Variants in NLGN1 observed in about 807,000 individuals in gnomAD.
NLGN1 encodes the protein neuroligin-1.
In NLGN1, 12 loss-of-function variants were observed where a neutral mutation model predicts 65.5. The observed-to-expected ratio is 0.18, with a 90% CI of 0.12 to 0.30. The LOEUF (loss-of-function observed/expected upper bound fraction) is 0.30, where lower values mean the gene tolerates loss of function less well. NLGN1 is among the 10% of genes least tolerant of loss of function. The pLI is 1.00. For missense variants in NLGN1, 750 were observed against 1,007.1 expected, an observed-to-expected ratio of 0.74 and a Z score of 3.46; for synonymous variants, 350 against 359.5, an observed-to-expected ratio of 0.97 and a Z score of 0.30.
At chr3:174,173,708 GTT>G (rs1176553240) in intron 4 of NLGN1, among the ~76,000 whole-genome samples, 1 of 150,146 alleles carries the variant, frequency 6.7e-6, no homozygotes, top group East Asian at 1.9e-4. Flanking sequence ...GTGTGTGTAT[GTT>G]TGTGTGTGTG....
At chr3:174,012,701 G>A (rs1473577032) in intron 4 of NLGN1, among the ~76,000 whole-genome samples, 2 of 152,054 alleles carry the variant, frequency 1.3e-5, no homozygotes, top group Non-Finnish European at 2.9e-5. Context: ...GTCAAATATT[G>A]GTCATAGCTG....
intron 4 of NLGN1, among the ~76,000 whole-genome samples, chr3:174,087,350 G>C (rs1743617629): frequency 6.6e-6 from 1 of 152,142 alleles, no homozygotes; most frequent in Non-Finnish European, 1.5e-5. Context: ...TTTATATCTA[G>C]CGTGGTAATA....
At chr3:173,683,301 C>G (rs576775405) in intron 3 of NLGN1, among the ~76,000 whole-genome samples, 5 of 152,214 alleles carry the variant, frequency 3.3e-5, no homozygotes, top group South Asian at 2.1e-4. Flanking sequence ...TCCTCTTCCC[C>G]CCATGGCATA....
chr3:173,888,309 G>T (rs1457002781), intron 4 of NLGN1, among the ~76,000 whole-genome samples: 2 of 151,942 alleles, frequency 1.3e-5, no homozygotes, highest in East Asian at 3.9e-4. Flanking sequence ...AAATGGTATA[G>T]TATTTGCATA....
chr3:173,420,347 G>A (rs1039468926), intron 1 of NLGN1, among the ~76,000 whole-genome samples: 13 of 151,852 alleles, frequency 8.6e-5, no homozygotes, highest in African/African-American at 2.4e-4. Flanking sequence ...TTGTCCTTGC[G>A]ATAGTTTGCT....
intron 3 of NLGN1, among the ~76,000 whole-genome samples, chr3:173,796,671 C>A (rs1459618568): frequency 1.3e-5 from 2 of 152,086 alleles, no homozygotes. Flanking sequence ...TTAATCACTT[C>A]TACACACTGG....
intron 2 of NLGN1, among the ~76,000 whole-genome samples, chr3:173,477,651 A>T (rs1726471885): frequency 6.6e-6 from 1 of 152,218 alleles, no homozygotes; most frequent in South Asian, 2.1e-4. Flanking sequence ...CTGAATAATG[A>T]GAGAAACCCA....
intron 4 of NLGN1, among the ~76,000 whole-genome samples, chr3:174,263,425 T>C (rs62291791): frequency 0.16 from 23,881 of 149,788 alleles, 2,200 homozygotes; most frequent in East Asian, 0.48. Context: ...TTGATCCCTT[T>C]ACCATTATGT....
At chr3:173,907,505 G>A (rs188403270) in intron 4 of NLGN1, among the ~76,000 whole-genome samples, 3 of 151,244 alleles carry the variant, frequency 2.0e-5, no homozygotes, top group Non-Finnish European at 4.4e-5. Context: ...CTTATCACAT[G>A]TAGAGAGTTG....
chr3:173,691,696 C>T (rs1423910734), intron 3 of NLGN1, among the ~76,000 whole-genome samples: 2 of 152,074 alleles, frequency 1.3e-5, no homozygotes, highest in Middle Eastern at 3.4e-3. Flanking sequence ...GCTTGCATCA[C>T]GTTTTTTTCT....
chr3:173,581,427 T>C (rs962952490), intron 2 of NLGN1, among the ~76,000 whole-genome samples: 15 of 152,062 alleles, frequency 9.9e-5, no homozygotes, highest in Non-Finnish European at 1.6e-4. Context: ...TTGGTAGTTT[T>C]TAGTTAACTG....
At chr3:173,952,432 A>G (rs948763068) in intron 4 of NLGN1, among the ~76,000 whole-genome samples, 1 of 152,140 alleles carries the variant, frequency 6.6e-6, no homozygotes, top group Non-Finnish European at 1.5e-5. Flanking sequence ...ATCTTGTCAG[A>G]TTTTACTCTA....
intron 4 of NLGN1, among the ~76,000 whole-genome samples, chr3:174,043,383 C>T (rs867794834): frequency 6.6e-6 from 1 of 152,126 alleles, no homozygotes; most frequent in Non-Finnish European, 1.5e-5. Context: ...TCATCTGAGA[C>T]AAGGCAAGTC....
intron 3 of NLGN1, among the ~76,000 whole-genome samples, chr3:173,665,548 C>T (rs570400805): frequency 9.9e-5 from 15 of 152,226 alleles, no homozygotes; most frequent in African/African-American, 3.4e-4. Flanking sequence ...CATTATATTT[C>T]TGCGGAAATG....
chr3:173,983,792 A>G (rs546111519), intron 4 of NLGN1, among the ~76,000 whole-genome samples: 67 of 152,100 alleles, frequency 4.4e-4, no homozygotes, highest in South Asian at 2.5e-3. Flanking sequence ...AGCAACCCCC[A>G]TCCTCACCAT....
intron 4 of NLGN1, among the ~76,000 whole-genome samples, chr3:174,190,070 G>C (rs766472636): frequency 4.6e-5 from 7 of 152,036 alleles, no homozygotes; most frequent in African/African-American, 1.7e-4. Context: ...GAGTGGAAAA[G>C]GTACAACACT....
chr3:173,473,961 A>G (rs1725753129), intron 2 of NLGN1, among the ~76,000 whole-genome samples: 1 of 152,158 alleles, frequency 6.6e-6, no homozygotes. Context: ...TTACTTTATT[A>G]AATTTCTTCT....
chr3:173,522,378 A>G (rs930742040), intron 2 of NLGN1, among the ~76,000 whole-genome samples: 1 of 152,180 alleles, frequency 6.6e-6, no homozygotes, highest in Admixed American at 6.5e-5. Context: ...AGATACTTAG[A>G]TTGGATCACT....
intron 2 of NLGN1, among the ~76,000 whole-genome samples, chr3:173,480,532 G>A (rs1727100077): frequency 6.6e-6 from 1 of 152,020 alleles, no homozygotes; most frequent in Admixed American, 6.6e-5. Flanking sequence ...CATGGGGTCT[G>A]GATAATACTA....
Sources: allele counts gnomAD v4.1 joint callset (sites outside exome capture counted in the v4.1 genomes callset), GRCh38; gene constraint gnomAD v4.1.1; transcripts MANE v1.5; gene names NCBI Gene and HGNC (gene_info 2026-07-23, HGNC 2026-07-21).